SAMMSON: variants seen among roughly 807,000 people sequenced by gnomAD.
The protein encoded by SAMMSON is survival associated mitochondrial melanoma specific oncogenic non-coding RNA.
chr3:70,379,464 T>C (rs934191024), intron 9 of SAMMSON, among the ~76,000 whole-genome samples: 7 of 152,070 alleles, frequency 4.6e-5, no homozygotes, highest in African/African-American at 1.7e-4. Context: ...GGAAGCAGGA[T>C]TGGGCAGAGG....
chr3:70,299,600 C>T (rs1239738394), intron 7 of SAMMSON, among the ~76,000 whole-genome samples: 4 of 152,086 alleles, frequency 2.6e-5, no homozygotes, highest in Admixed American at 2.0e-4. Context: ...CTCTTGGGTG[C>T]CAGCCCTTTG....
intron 4 of SAMMSON, among the ~76,000 whole-genome samples, chr3:70,109,902 T>C (rs2067381540): frequency 1.3e-5 from 2 of 152,246 alleles, no homozygotes; most frequent in Admixed American, 1.3e-4. Context: ...AGCAAATATT[T>C]ATTGTGCAAC....
rs977890942 is a variant in SAMMSON, at chr3:70,070,286, T to C, written n.418-1190T>C. 2.0e-5 allele frequency: 3 copies of C among 152,090 alleles called. No individual in the cohort carries two copies. In the East Asian group the frequency reaches 5.8e-4, roughly 29 times the overall value. 9.4% of individuals were successfully genotyped at this position (152,090 alleles called of 1,614,324 possible). On this transcript the variant is annotated intron_variant and non_coding_transcript_variant, in intron 3 of 9. Transcript: ENST00000642114. ...TGGGAAATAGACTTTGACAAAATAC[T>C]ATTCATTAGACCACAGATCATATGG...
At chr3:70,140,032 A>T (rs565498004) in intron 4 of SAMMSON, among the ~76,000 whole-genome samples, 13 of 152,000 alleles carry the variant, frequency 8.6e-5, no homozygotes, top group African/African-American at 3.1e-4. Flanking sequence ...TTCCCTTTTC[A>T]TTAATAATTA....
At chr3:70,432,501 T>G (rs1455487810) in intron 2 of SAMMSON, among the ~76,000 whole-genome samples, 1 of 151,978 alleles carries the variant, frequency 6.6e-6, no homozygotes, top group African/African-American at 2.4e-5. Context: ...TATATTTTCA[T>G]AGCAGTTTTA....
At chr3:70,372,195 A>G (rs552140871) in intron 9 of SAMMSON, among the ~76,000 whole-genome samples, 13 of 152,244 alleles carry the variant, frequency 8.5e-5, no homozygotes, top group African/African-American at 3.1e-4. Flanking sequence ...GTTGAATTTT[A>G]TCAAATGCTT....
At chr3:70,211,634 CCCTTCCCTTT>C (rs1701350522) in intron 4 of SAMMSON, among the ~76,000 whole-genome samples, 1 of 126,128 alleles carries the variant, frequency 7.9e-6, no homozygotes, top group Admixed American at 8.2e-5. Flanking sequence ...CCTTTCCCTT[CCCTTCCCTTT>C]GCCTTTCCCT....
chr3:70,160,756 G>T (rs529488072), intron 4 of SAMMSON, among the ~76,000 whole-genome samples: 1 of 152,136 alleles, frequency 6.6e-6, no homozygotes, highest in East Asian at 1.9e-4. Flanking sequence ...AATTTGAAAA[G>T]TACTGCATTG....
At chr3:70,169,306 A>C (rs905764027) in intron 4 of SAMMSON, among the ~76,000 whole-genome samples, 2 of 152,074 alleles carry the variant, frequency 1.3e-5, no homozygotes, top group Non-Finnish European at 2.9e-5. Context: ...TCATTGAGTG[A>C]AGGCTATTCA....
At chr3:70,432,964 G>A (rs969654895) in intron 2 of SAMMSON, among the ~76,000 whole-genome samples, 39 of 151,962 alleles carry the variant, frequency 2.6e-4, no homozygotes, top group Admixed American at 2.0e-3. Context: ...ATGCATTTAA[G>A]ATTCCCCTAT....
At chr3:70,011,948 A>G (rs922488939) in intron 1 of SAMMSON, among the ~76,000 whole-genome samples, 1 of 152,070 alleles carries the variant, frequency 6.6e-6, no homozygotes, top group Non-Finnish European at 1.5e-5. Context: ...AGATGAGTGC[A>G]TCTGACAACC....
At chr3:70,121,806 T>C (rs1465584030) in intron 4 of SAMMSON, among the ~76,000 whole-genome samples, 1 of 152,180 alleles carries the variant, frequency 6.6e-6, no homozygotes, top group Non-Finnish European at 1.5e-5. Context: ...GCCGACTGCC[T>C]GGAGTCAGCC....
intron 3 of SAMMSON, among the ~76,000 whole-genome samples, chr3:70,018,336 A>T (rs939620865): frequency 1.3e-5 from 2 of 152,120 alleles, no homozygotes; most frequent in Admixed American, 1.3e-4. Flanking sequence ...TGAGGAATTT[A>T]TCCATTTCTT....
intron 4 of SAMMSON, among the ~76,000 whole-genome samples, chr3:70,193,065 G>A (rs1701143634): frequency 6.6e-6 from 1 of 152,124 alleles, no homozygotes; most frequent in Non-Finnish European, 1.5e-5. Flanking sequence ...CAAATTGTGA[G>A]GGAGGGAATT....
chr3:70,341,122 C>G (rs181398951), intron 7 of SAMMSON, among the ~76,000 whole-genome samples: 1 of 152,136 alleles, frequency 6.6e-6, no homozygotes, highest in East Asian at 1.9e-4. Flanking sequence ...CCATCATCAC[C>G]ATATCCCTCT....
rs573990797 is a variant in SAMMSON, at chr3:70,147,541, G to A, written n.507+75976G>A. ...CAACTGAGTTTTTTAAAAAGATGAA[G>A]CAATTCTTTGGAGAAAGCATAGTCT... On this transcript the variant is annotated intron_variant and non_coding_transcript_variant, in intron 4 of 9. Coordinates refer to ENST00000642114, the Ensembl canonical transcript of SAMMSON. 2.0e-5 allele frequency among the ~76,000 whole-genome samples: 3 copies of A among 152,042 alleles called. No homozygotes were observed. The East Asian group carries it at 5.8e-4, about 29-fold the overall frequency.
intron 4 of SAMMSON, among the ~76,000 whole-genome samples, chr3:70,174,648 A>G (rs1354662896): frequency 1.3e-5 from 2 of 152,092 alleles, no homozygotes; most frequent in African/African-American, 4.8e-5. Flanking sequence ...CTATTTTTCT[A>G]CAGAATTTAG....
chr3:70,037,884 T>C (rs1432528605), intron 3 of SAMMSON, among the ~76,000 whole-genome samples: 1 of 152,158 alleles, frequency 6.6e-6, no homozygotes, highest in Non-Finnish European at 1.5e-5. Flanking sequence ...GCTAATAAAG[T>C]TGTTGAGCTC....
intron 7 of SAMMSON, among the ~76,000 whole-genome samples, chr3:70,293,744 G>C (rs566156437): frequency 2.0e-5 from 3 of 151,814 alleles, no homozygotes; most frequent in Admixed American, 2.0e-4. Context: ...ATATTCCTCT[G>C]GATAGTCTTA....
Sources: gnomAD v4.1 joint callset for allele counts (sites outside exome capture counted in the v4.1 genomes callset) on GRCh38, gnomAD v4.1.1 for gene constraint, MANE v1.5 for transcripts, NCBI Gene and HGNC (gene_info 2026-07-23, HGNC 2026-07-21) for gene names.